The following LINGO2 variants were observed in gnomAD, a reference collection of about 807,000 sequenced individuals.
The protein encoded by LINGO2 is leucine-rich repeat and immunoglobulin-like domain-containing nogo receptor-interacting protein 2.
In LINGO2, 14 loss-of-function variants were observed where a neutral mutation model predicts 30.6. The ratio of observed to expected loss-of-function variants is 0.46; its 90% CI spans 0.30 to 0.72. The LOEUF (loss-of-function observed/expected upper bound fraction) is 0.72. LINGO2 is among the 30% of genes least tolerant of loss of function. The pLI is 0.07. For synonymous variants in LINGO2, 317 were observed against 288.5 expected (o/e 1.10, Z -1.00); for missense variants, 729 against 751.7 (o/e 0.97, Z 0.35).
At chr9:28,863,556 T>C in the LINGO2 span, 2 of 490,182 alleles carry the variant, frequency 4.1e-6, no homozygotes, top group East Asian at 5.7e-5. Flanking sequence ...TAATACAAAG[T>C]GGCTTGTTCT....
chr9:28,897,462 T>C, the LINGO2 span, among the ~76,000 whole-genome samples: 1 of 152,166 alleles, frequency 6.6e-6, no homozygotes, highest in Non-Finnish European at 1.5e-5. Context: ...GCACCATTTC[T>C]AGACTAAGGC....
chr9:29,167,302 G>C, the LINGO2 span, among the ~76,000 whole-genome samples: 2 of 152,026 alleles, frequency 1.3e-5, no homozygotes, highest in East Asian at 3.9e-4. Flanking sequence ...CAGGTACTAA[G>C]AATATTCATA....
intron 1 of LINGO2, among the ~76,000 whole-genome samples, chr9:28,541,832 A>G (rs530810677): frequency 1.3e-5 from 2 of 152,294 alleles, no homozygotes; most frequent in South Asian, 2.1e-4. Flanking sequence ...AATCTTGATT[A>G]GAGTTAAAAT....
At position 28,130,709 on chromosome 9, in the gene LINGO2, G is replaced by A. The variant is rs150019135; in HGVS notation, c.-86-118304C>T. Among the ~76,000 whole-genome samples the A allele has an allele frequency of 2.4e-3, 360 of 152,298 alleles. 4 individuals are homozygous for A. The highest frequency in any genetic ancestry group is 8.4e-3 in the African/African-American group (351 of 41,580). ...AGTGACCTTAGGGCTAGGATGGCCA[G>A]AGTTTCAGATAATAGAGAAGAGTAG... On this transcript the variant is annotated intron_variant, in intron 4 of 5. Transcript: ENST00000379992. The surrounding 1 kb of genome is among the most constrained non-coding windows in gnomAD (Gnocchi z 5.2).
In LINGO2 at chr9:28,650,257, T is replaced by C. The variant is rs537646235; in HGVS notation, c.-365+19943A>G. On this transcript the variant is annotated intron_variant, in intron 1 of 5. Transcript: ENST00000379992. ...ATGCCTGGAGTTTCCTCAAAGACTC[T>C]AGCACGTGGGCTCTTTTCTCTTTCC... Among the ~76,000 whole-genome samples the C allele has an allele frequency of 7.0e-4, 107 of 152,268 alleles. 3 individuals are homozygous for C. The South Asian group carries it at 0.022, about 31-fold the overall frequency.
chr9:28,221,263 G>A (rs928625892), intron 4 of LINGO2, among the ~76,000 whole-genome samples: 8 of 128,084 alleles, frequency 6.2e-5, no homozygotes, highest in African/African-American at 2.4e-4. Flanking sequence ...TGGCGCCACT[G>A]CAGTCCAGCC....
chr9:28,074,466 C>A (rs147936556), intron 4 of LINGO2, among the ~76,000 whole-genome samples: 5 of 152,240 alleles, frequency 3.3e-5, no homozygotes, highest in African/African-American at 9.6e-5. Context: ...CTTCACTAGG[C>A]ACTGAAGGTA....
the LINGO2 span, among the ~76,000 whole-genome samples, chr9:29,009,262 C>T: frequency 6.6e-6 from 1 of 152,150 alleles, no homozygotes; most frequent in Non-Finnish European, 1.5e-5. Context: ...TTGCAGATGA[C>T]ATGATTGTAT....
chr9:28,629,375 C>T (rs1163062860), intron 1 of LINGO2, among the ~76,000 whole-genome samples: 1 of 152,062 alleles, frequency 6.6e-6, no homozygotes. Flanking sequence ...GAATGAAAGA[C>T]TAGAAATTCC....
At chr9:28,946,307 A>G in the LINGO2 span, among the ~76,000 whole-genome samples, 25 of 152,288 alleles carry the variant, frequency 1.6e-4, no homozygotes, top group African/African-American at 5.5e-4. Context: ...AGAGAATTCT[A>G]TTTTAAAAAA....
At chr9:28,635,654 T>C (rs1288101704) in intron 1 of LINGO2, among the ~76,000 whole-genome samples, 1 of 152,104 alleles carries the variant, frequency 6.6e-6, no homozygotes, top group Admixed American at 6.6e-5. Flanking sequence ...AAGGTTTAAT[T>C]TGGGTTTAAA....
chr9:28,628,899 G>T (rs887204168), intron 1 of LINGO2, among the ~76,000 whole-genome samples: 1 of 152,048 alleles, frequency 6.6e-6, no homozygotes, highest in Admixed American at 6.6e-5. Flanking sequence ...TACTTAACCA[G>T]CTCCTAAGAT....
At chr9:28,785,757 C>A in the LINGO2 span, among the ~76,000 whole-genome samples, 1 of 150,900 alleles carries the variant, frequency 6.6e-6, no homozygotes, top group African/African-American at 2.4e-5. Flanking sequence ...GAAGAAAAAT[C>A]AGAATCTTTT....
intron 4 of LINGO2, among the ~76,000 whole-genome samples, chr9:28,133,838 C>A (rs1403427227): frequency 1.3e-5 from 2 of 152,104 alleles, no homozygotes; most frequent in Non-Finnish European, 2.9e-5. Flanking sequence ...TGATTTCCTC[C>A]AATTCCATGT....
At chr9:28,684,407 T>C in the LINGO2 span, among the ~76,000 whole-genome samples, 9 of 151,528 alleles carry the variant, frequency 5.9e-5, no homozygotes, top group African/African-American at 1.9e-4. Context: ...GCCAGGATGG[T>C]CACGATCTCC....
chr9:28,053,526 T>G (rs534107225), intron 4 of LINGO2, among the ~76,000 whole-genome samples: 2 of 152,222 alleles, frequency 1.3e-5, no homozygotes, highest in African/African-American at 4.8e-5. Flanking sequence ...TGATGCTACA[T>G]TTGGAGTTCT....
At chr9:29,081,997 T>C in the LINGO2 span, among the ~76,000 whole-genome samples, 1 of 152,124 alleles carries the variant, frequency 6.6e-6, no homozygotes, top group Admixed American at 6.6e-5. Context: ...AAAATGGCCA[T>C]GCTGCCCAAG....
At chr9:28,240,811 A>G (rs1564068165) in intron 4 of LINGO2, among the ~76,000 whole-genome samples, 1 of 152,220 alleles carries the variant, frequency 6.6e-6, no homozygotes, top group African/African-American at 2.4e-5. Flanking sequence ...TCAAGTTTAA[A>G]AAGCTGAAGT....
At position 28,375,074 on chromosome 9, in the gene LINGO2, G is replaced by A. The variant is rs183574565; in HGVS notation, c.-278-2206C>T. 2.6e-3 allele frequency among the ~76,000 whole-genome samples: 361 copies of A among 139,346 alleles called. 1 individual carries two copies. Among genetic ancestry groups the A allele is most frequent in the African/African-American group, 8.7e-3 (319 of 36,550 alleles). 91.4% of individuals were successfully genotyped at this position (139,346 alleles called of 152,430 possible). On this transcript the variant is annotated intron_variant, in intron 2 of 5. Transcript: ENST00000379992. ...ACCCAAGAAATTCCAACCCCTTATC[G>A]CACACACACCCCTTAACACACACAC...
Sources: gnomAD v4.1 joint callset for allele counts (sites outside exome capture counted in the v4.1 genomes callset) on GRCh38, gnomAD v4.1.1 for gene constraint, Gnocchi (gnomAD v3.1) non-coding constraint, MANE v1.5 for transcripts, NCBI Gene and HGNC (gene_info 2026-07-23, HGNC 2026-07-21) for gene names.